Variants in METTL2B observed in about 807,000 individuals in gnomAD.
The protein encoded by METTL2B is methyltransferase 2B, tRNA N3-cytidine.
Under a neutral mutation model 51.0 loss-of-function variants are expected in METTL2B, and 28 were observed. The ratio of observed to expected loss-of-function variants is 0.55; its 90% CI spans 0.41 to 0.75. The LOEUF is 0.75. Among genes scored for constraint, METTL2B ranks in the 30% least tolerant of loss-of-function variants. METTL2B has a pLI of 0.00. For synonymous variants in METTL2B, 128 were observed against 166.3 expected (o/e 0.77, Z 1.77); for missense variants, 313 against 460.7 (o/e 0.68, Z 2.93).
At chr7:128,490,528 G>A (rs1233021515) in intron 5 of METTL2B, among the ~76,000 whole-genome samples, 1 of 151,990 alleles carries the variant, frequency 6.6e-6, no homozygotes, top group Non-Finnish European at 1.5e-5. Context: ...AGAACCTAAG[G>A]GCACAAAATA....
intron 2 of METTL2B, chr7:128,477,966 A>G: frequency 2.2e-6 from 1 of 450,450 alleles, no homozygotes; most frequent in South Asian, 1.6e-5. Flanking sequence ...CACTTGGACC[A>G]CAGGACATTA....
intron 4 of METTL2B, among the ~76,000 whole-genome samples, chr7:128,485,823 AAAC>A (rs933198195): frequency 3.3e-5 from 5 of 152,306 alleles, no homozygotes; most frequent in South Asian, 2.1e-4. Context: ...AAAATCAATA[AAAC>A]AACAATTTTT....
At chr7:128,486,562 T>C (rs894063088) in intron 4 of METTL2B, among the ~76,000 whole-genome samples, 6 of 151,552 alleles carry the variant, frequency 4.0e-5, no homozygotes, top group African/African-American at 1.5e-4. Flanking sequence ...ATTGTCCCAC[T>C]GTACTCCAGC....
chr7:128,489,819 G>A (rs1019446311), intron 5 of METTL2B, among the ~76,000 whole-genome samples: 1 of 151,070 alleles, frequency 6.6e-6, no homozygotes, highest in African/African-American at 2.4e-5. Context: ...TAGTAGAGAC[G>A]GGGTTTCACC....
intron 7 of METTL2B, among the ~76,000 whole-genome samples, chr7:128,499,541 C>T (rs1278146110): frequency 4.7e-5 from 6 of 126,768 alleles, no homozygotes; most frequent in East Asian, 2.2e-4. Flanking sequence ...TTTTTTGAGA[C>T]GGAGTCTCGC....
At position 128,498,034 on chromosome 7, in the gene METTL2B, A is replaced by T. The variant is rs1488873422; in HGVS notation, c.810-2A>T. ...TAACTATAATTCCCTGTGTCTCCAC[A>T]GGATGCAGAAGGCTATCAACAGGCT... is the stretch of plus-strand genomic sequence containing the variant. On this transcript the variant is annotated splice_acceptor_variant, in intron 6 of 8. Coordinates refer to ENST00000262432, the MANE Select transcript of METTL2B (RefSeq NM_018396.3). LOFTEE classifies it high-confidence loss of function. 6.2e-7 allele frequency: 1 copy of T among 1,613,304 alleles called. No homozygotes were observed. The highest frequency in any genetic ancestry group is 8.5e-7 in the Non-Finnish European group (1 of 1,179,568).
chr7:128,492,055 A>C (rs1792842794), intron 5 of METTL2B, among the ~76,000 whole-genome samples: 2 of 152,120 alleles, frequency 1.3e-5, no homozygotes, highest in Admixed American at 1.3e-4. Flanking sequence ...GCTGGAGTGC[A>C]GTGGTACAAT....
At position 128,478,237 on chromosome 7, in the gene METTL2B, T is replaced by C. The variant is rs187726419; in HGVS notation, c.203-921T>C. ...ATGATCACCTTAAAAACAGCCTTCATTTAAACTGTCCATACTTTTTTTTTT... is the reference window on the plus strand; with the variant it reads ...ATGATCACCTTAAAAACAGCCTTCACTTAAACTGTCCATACTTTTTTTTTT... On this transcript the variant is annotated intron_variant, in intron 2 of 8. Coordinates refer to ENST00000262432, the MANE Select transcript of METTL2B (RefSeq NM_018396.3). Among the ~76,000 whole-genome samples, 1,474 of 151,792 alleles carry C rather than the reference T, an allele frequency of 9.7e-3. 22 individuals are homozygous for C. The highest frequency in any genetic ancestry group is 0.034 in the African/African-American group (1,414 of 41,388).
Position 128,476,994 on chromosome 7 carries a change from C to T in METTL2B, c.111-88C>T, listed in dbSNP as rs556767059. ...CAAGCTGCCCTACCCGAGGCACTCT[C>T]CAAGGGGAGAGAAACTCCTAGGCCA... On this transcript the variant is annotated intron_variant, in intron 1 of 8. Transcript: ENST00000262432. 5 of 1,601,302 alleles carry T rather than the reference C, an allele frequency of 3.1e-6. No homozygotes were observed. The African/African-American group carries it at 6.7e-5, about 21-fold the overall frequency.
rs1029040365 is a variant in METTL2B, at chr7:128,503,504, T to G, written c.*1588T>G. The G allele has an allele frequency of 6.6e-6, 1 of 150,418 alleles. No individual in the cohort carries two copies. The highest frequency in any genetic ancestry group is 6.7e-5 in the Admixed American group (1 of 14,970). The allele number at this position is 150,418 out of a possible 1,614,324, so 9.3% of individuals were successfully genotyped here. A position where few individuals can be genotyped will look rare whatever the true frequency, so the allele number is the denominator to read the frequency against. On this transcript the variant is annotated 3_prime_UTR_variant, in exon 9 of 9. Transcript: ENST00000262432. Reference sequence around the variant, plus strand: ...AGGCTGGAGTTCAGTGGTGCAATGATAGCTCATTATCACCTCGAACTTCTG... The same window carrying G: ...AGGCTGGAGTTCAGTGGTGCAATGAGAGCTCATTATCACCTCGAACTTCTG...
chr7:128,499,755 AGG>A (rs1792995522), intron 7 of METTL2B, among the ~76,000 whole-genome samples: 2 of 150,656 alleles, frequency 1.3e-5, no homozygotes, highest in African/African-American at 4.9e-5. Flanking sequence ...TCCTGACCTC[AGG>A]TGATCCACCC....
chr7:128,482,444 G>A (rs1423925456), intron 4 of METTL2B, among the ~76,000 whole-genome samples: 9 of 152,040 alleles, frequency 5.9e-5, no homozygotes, highest in East Asian at 1.9e-4. Flanking sequence ...GTGAGCCGCC[G>A]CGCCCAGCCT....
intron 6 of METTL2B, among the ~76,000 whole-genome samples, chr7:128,495,659 G>A (rs553295068): frequency 2.0e-4 from 30 of 152,158 alleles, no homozygotes; most frequent in African/African-American, 7.0e-4. Context: ...CACCATGTTG[G>A]CCAGGCTGAT....
At chr7:128,489,106 T>TC (rs1446098272) in intron 5 of METTL2B, among the ~76,000 whole-genome samples, 6 of 151,380 alleles carry the variant, frequency 4.0e-5, no homozygotes, top group African/African-American at 1.5e-4. Flanking sequence ...AGAGCGAGAC[T>TC]CCATCTCAAA....
At position 128,502,734 on chromosome 7, in the gene METTL2B, A is replaced by G. The variant is rs1270781490; in HGVS notation, c.*818A>G. 8.4e-6 allele frequency: 3 copies of G among 359,032 alleles called. No individual in the cohort carries two copies. The highest frequency in any genetic ancestry group is 8.0e-5 in the Admixed American group (2 of 24,952). 22.2% of individuals were successfully genotyped at this position (359,032 alleles called of 1,614,324 possible). On this transcript the variant is annotated 3_prime_UTR_variant, in exon 9 of 9. Coordinates refer to ENST00000262432, the MANE Select transcript of METTL2B (RefSeq NM_018396.3). Reference sequence around the variant, plus strand: ...GCCAACATGGTGAAACCCCGTCTCTACTAAAGATAAAAAAATTAGCTGGGT... The same window carrying G: ...GCCAACATGGTGAAACCCCGTCTCTGCTAAAGATAAAAAAATTAGCTGGGT...
chr7:128,483,699 G>A (rs1475731980), intron 4 of METTL2B, among the ~76,000 whole-genome samples: 1 of 150,810 alleles, frequency 6.6e-6, no homozygotes, highest in Non-Finnish European at 1.5e-5. Context: ...CCACCACCAC[G>A]CCCAGCTAAT....
rs566769819 is a variant in METTL2B at position 128,505,574 on chromosome 7, T to A, written c.*3658T>A. The A allele has an allele frequency of 2.4e-4, 36 of 152,360 alleles. No individual in the cohort carries two copies. The East Asian group carries it at 4.6e-3, about 20-fold the overall frequency. The allele number at this position is 152,360 out of a possible 1,614,324, so 9.4% of individuals were successfully genotyped here. On this transcript the variant is annotated 3_prime_UTR_variant, in exon 9 of 9. Transcript: ENST00000262432. The stretch of plus-strand genomic sequence containing the variant: ...CTTAGTTGTGTTGTCTGCCAGGTTC[T>A]GCCACTGTAAAGTTAATAAGTATTT...
intron 2 of METTL2B, among the ~76,000 whole-genome samples, chr7:128,478,821 G>C (rs1204593778): frequency 1.3e-5 from 2 of 152,056 alleles, no homozygotes; most frequent in East Asian, 3.9e-4. Flanking sequence ...CCAAGATTGC[G>C]CCCCTGCACT....
intron 4 of METTL2B, among the ~76,000 whole-genome samples, chr7:128,481,370 T>A (rs1398259034): frequency 6.6e-6 from 1 of 152,198 alleles, no homozygotes; most frequent in Non-Finnish European, 1.5e-5. Flanking sequence ...ATGCCAGTTG[T>A]GAATCTGGCC....
Sources: gnomAD v4.1 joint callset for allele counts (sites outside exome capture counted in the v4.1 genomes callset) on GRCh38, gnomAD v4.1.1 for gene constraint, MANE v1.5 for transcripts, NCBI Gene and HGNC (gene_info 2026-07-23, HGNC 2026-07-21) for gene names.